The following USP28 variants were observed in gnomAD, a reference collection of about 807,000 sequenced individuals.
USP28 encodes ubiquitin specific peptidase 28.
In USP28, 113 loss-of-function variants were observed where a neutral mutation model predicts 145.0. The ratio of observed to expected loss-of-function variants is 0.78; its 90% confidence interval spans 0.67 to 0.91. The LOEUF (loss-of-function observed/expected upper bound fraction) is 0.91, where lower values mean the gene tolerates loss of function less well. Among genes scored for constraint, USP28 ranks in the 40% least tolerant of loss-of-function variants. USP28 has a pLI of 0.00. For missense variants in USP28, 1,201 were observed against 1,289.6 expected (o/e 0.93, Z 1.05); for synonymous variants, 447 against 450.9 (o/e 0.99, Z 0.11).
At chr11:113,868,837 T>C (rs531164024) in intron 1 of USP28, among the ~76,000 whole-genome samples, 1 of 150,102 alleles carries the variant, frequency 6.7e-6, no homozygotes, top group South Asian at 2.1e-4. Flanking sequence ...GTAGGAGAAT[T>C]GCTTGGGCCC....
At chr11:113,833,686 G>T in intron 6 of USP28, 129 bp from the exon 7 acceptor site, 1 of 847,974 alleles carries the variant, frequency 1.2e-6, no homozygotes, top group Non-Finnish European at 1.8e-6. Flanking sequence ...AAGTCACAGG[G>T]CTATGTGTGT....
At chr11:113,833,929 G>T (rs1213077757) in intron 6 of USP28, among the ~76,000 whole-genome samples, 1 of 152,182 alleles carries the variant, frequency 6.6e-6, no homozygotes, top group African/African-American at 2.4e-5. Context: ...CAGGTCTCTG[G>T]CATCAGGGCA....
intron 23 of USP28, 157 bp from the exon 25 acceptor site, chr11:113,801,835 G>A (rs932848844): frequency 1.1e-5 from 6 of 545,236 alleles, no homozygotes; most frequent in Non-Finnish European, 1.9e-5. Flanking sequence ...CTTCTGATAA[G>A]CTGATTTAAT....
chr11:113,822,081 AT>A (rs924645410), intron 12 of USP28, among the ~76,000 whole-genome samples: 1 of 152,178 alleles, frequency 6.6e-6, no homozygotes, highest in African/African-American at 2.4e-5. Flanking sequence ...GTAAATTGGT[AT>A]TTTTGAACTA....
At chr11:113,839,967 G>C (rs1229731909) in intron 5 of USP28, among the ~76,000 whole-genome samples, 1 of 152,168 alleles carries the variant, frequency 6.6e-6, no homozygotes, top group Non-Finnish European at 1.5e-5. Flanking sequence ...AGTGAGCTGA[G>C]ATCGCACCAC....
chr11:113,854,347 A>C lies in USP28; in HGVS notation c.58-12T>G. On this transcript the variant is annotated splice_polypyrimidine_tract_variant and intron_variant, in intron 1 of 24. Coordinates refer to ENST00000003302, the Ensembl canonical transcript of USP28. Reference sequence around the variant, plus strand: ...AGCATTTGGCAGCTCTATATTTGCAAAACAAAAAAACCACAAACATGTCAG... The same window carrying C: ...AGCATTTGGCAGCTCTATATTTGCACAACAAAAAAACCACAAACATGTCAG... 1 of 1,611,736 alleles carries C rather than the reference A, an allele frequency of 6.2e-7. No individual in the cohort carries two copies. Among genetic ancestry groups the C allele is most frequent in the Non-Finnish European group, 8.5e-7 (1 of 1,178,688 alleles).
At chr11:113,832,073 A>G in intron 7 of USP28, 80 bp from the exon 8 acceptor site, 4 of 1,156,268 alleles carry the variant, frequency 3.5e-6, no homozygotes, top group Non-Finnish European at 5.1e-6. Flanking sequence ...CCACCAATGA[A>G]TTAAGATTAT....
chr11:113,871,176 G>A (rs1264767458), intron 1 of USP28, among the ~76,000 whole-genome samples: 1 of 152,136 alleles, frequency 6.6e-6, no homozygotes, highest in Non-Finnish European at 1.5e-5. Flanking sequence ...TGAACACAGA[G>A]CTGGAAAGAG....
intron 14 of USP28, among the ~76,000 whole-genome samples, chr11:113,814,244 A>T (rs1941393310): frequency 6.6e-6 from 1 of 152,222 alleles, no homozygotes; most frequent in African/African-American, 2.4e-5. Flanking sequence ...TGGCTGTAAA[A>T]TGTATGCCTC....
intron 1 of USP28, among the ~76,000 whole-genome samples, chr11:113,866,327 C>G (rs1948244514): frequency 6.6e-6 from 1 of 151,934 alleles, no homozygotes; most frequent in Admixed American, 6.6e-5. Flanking sequence ...ACACAGTGTA[C>G]AAATTATCAA....
At chr11:113,803,800 T>C (rs1314468291) in exon 22 of USP28, 2 of 1,612,852 alleles carry the variant, frequency 1.2e-6, no homozygotes, top group African/African-American at 2.7e-5. Context: ...CAACATACTT[T>C]CCTTTTTGAT....
At chr11:113,860,317 T>A (rs1947519711) in intron 1 of USP28, among the ~76,000 whole-genome samples, 1 of 151,804 alleles carries the variant, frequency 6.6e-6, no homozygotes, top group African/African-American at 2.4e-5. Flanking sequence ...AATTTACAAC[T>A]AAGTAAATAA....
Position 113,815,288 on chromosome 11 carries a change from A to G in USP28, c.1558T>C (p.Ser520Pro), listed in dbSNP as rs150518445. 12 of 1,614,092 alleles carry G rather than the reference A, an allele frequency of 7.4e-6. No individual in the cohort carries two copies. The African/African-American group carries it at 1.6e-4, about 22-fold the overall frequency. The change falls in exon 14 of 25, where the codon TCT (serine) becomes CCT (proline). Residue 520 changes from serine to proline, a missense_variant. Ser to Pro is a moderately conservative substitution (Grantham distance 74). Transcript: ENST00000003302. ...GGCTGTGAAGGCATTTCCATGGAAGACCGAGAAGATGTCAGTGGTTTAGAC... is the reference window on the plus strand; with the variant it reads ...GGCTGTGAAGGCATTTCCATGGAAGGCCGAGAAGATGTCAGTGGTTTAGAC...
rs573042359 is a variant in USP28 at position 113,855,821 on chromosome 11, G to A, written c.58-1486C>T. ...AGCTACTCAGGAGGCTGAGGCAGGA[G>A]AATTGCTTGAACCCAGGAGGTGGAG... On this transcript the variant is annotated intron_variant, in intron 1 of 24. Transcript: ENST00000003302. 2.6e-5 allele frequency among the ~76,000 whole-genome samples: 4 copies of A among 152,340 alleles called. No homozygotes were observed. The South Asian group carries it at 8.3e-4, about 32-fold the overall frequency.
At chr11:113,839,827 A>G (rs1168038726) in intron 5 of USP28, among the ~76,000 whole-genome samples, 2 of 152,164 alleles carry the variant, frequency 1.3e-5, no homozygotes, top group East Asian at 3.9e-4. Flanking sequence ...GTTGGAGACC[A>G]GCCTGACCAA....
chr11:113,832,315 G>T (rs1944090123), intron 7 of USP28, among the ~76,000 whole-genome samples: 1 of 152,046 alleles, frequency 6.6e-6, no homozygotes, highest in Non-Finnish European at 1.5e-5. Flanking sequence ...TCACCATGTT[G>T]GCCAAGCTGG....
intron 12 of USP28, among the ~76,000 whole-genome samples, chr11:113,819,844 C>T (rs1942337553): frequency 1.3e-5 from 2 of 152,174 alleles, no homozygotes; most frequent in South Asian, 2.1e-4. Context: ...CTCAGCCTCC[C>T]GAGTAGCTAG....
chr11:113,854,203 A>G, intron 2 of USP28, 55 bp downstream of exon 2: 1 of 1,496,232 alleles, frequency 6.7e-7, no homozygotes, highest in Non-Finnish European at 9.2e-7. Context: ...TGACATAACT[A>G]TAATATAGAC....
intron 1 of USP28, among the ~76,000 whole-genome samples, chr11:113,866,806 AAAG>A (rs1441389252): frequency 6.6e-6 from 1 of 152,238 alleles, no homozygotes; most frequent in Non-Finnish European, 1.5e-5. Context: ...TATATACCCA[AAAG>A]AAGGGAAAAC....
Sources: gnomAD v4.1 joint callset for allele counts (sites outside exome capture counted in the v4.1 genomes callset) on GRCh38, gnomAD v4.1.1 for gene constraint, MANE v1.5 for transcripts, NCBI Gene and HGNC (gene_info 2026-07-23, HGNC 2026-07-21) for gene names.